The following DOCK1 variants were observed in gnomAD, a reference collection of about 807,000 sequenced individuals.
DOCK1 encodes the protein dedicator of cytokinesis protein 1.
In DOCK1, 138 loss-of-function variants were observed where a neutral mutation model predicts 262.7. The observed-to-expected ratio is 0.53, with a 90% confidence interval of 0.46 to 0.61. The LOEUF (loss-of-function observed/expected upper bound fraction) is 0.61. Among genes scored for constraint, DOCK1 ranks in the 20% least tolerant of loss-of-function variants. The pLI is 0.00. For synonymous variants in DOCK1, 866 were observed against 867.4 expected (o/e 1.00, Z 0.03); for missense variants, 1,908 against 2,370.7 (o/e 0.80, Z 4.05).
rs1306167561 is a variant in DOCK1, at chr10:127,032,228, G to C, written c.1820G>C (p.Gly607Ala). 1 of 1,600,590 alleles carries C rather than the reference G, an allele frequency of 6.2e-7. No homozygotes were observed. The highest frequency in any genetic ancestry group is 1.7e-5 in the Admixed American group (1 of 58,096). ...GAAGAAAAGGGCCACTCGGCCACCG[G>C]CAAGAGCATGCAGAGCCTTGGGAGC... is the stretch of plus-strand genomic sequence containing the variant. The part of the protein sequence containing the change: ...ELEEKGHSAT[G>A]KSMQSLGSCT... The change falls in exon 18 of 52, where the codon GGC becomes GCC. Residue 607 changes from glycine to alanine, a missense_variant. This residue lies in a region of DOCK1 where 294 missense variants were observed against 439.9 expected (regional missense o/e 0.67). Transcript: ENST00000623213.
At chr10:127,408,994 C>A (rs748922456) in intron 40 of DOCK1, 43 bp from the exon 41 acceptor site, 1 of 1,549,662 alleles carries the variant, frequency 6.5e-7, no homozygotes, top group Non-Finnish European at 8.7e-7. Context: ...CTCTTCCTGG[C>A]CCTTTCTCTG....
intron 29 of DOCK1, among the ~76,000 whole-genome samples, chr10:127,272,885 A>C (rs2060619095): frequency 6.6e-6 from 1 of 152,222 alleles, no homozygotes; most frequent in Admixed American, 6.5e-5. Flanking sequence ...CTTGTGAGAC[A>C]TTCACTATCA....
chr10:127,123,687 G>C (rs1170815618), intron 25 of DOCK1, among the ~76,000 whole-genome samples: 2 of 152,114 alleles, frequency 1.3e-5, no homozygotes, highest in Admixed American at 1.3e-4. Context: ...ACTCCCATGA[G>C]GTCATTTTCT....
At chr10:127,156,568 T>A (rs2053095346) in intron 27 of DOCK1, among the ~76,000 whole-genome samples, 1 of 139,014 alleles carries the variant, frequency 7.2e-6, no homozygotes, top group South Asian at 2.4e-4. Flanking sequence ...TCTTCTTTTT[T>A]TTTTTTTTTT....
rs2043245786 is a variant in DOCK1 at position 127,031,626 on chromosome 10, ATTTTTTTGTTTTTTG to A, written c.1625-19_1625-5del. On this transcript the variant is annotated splice_polypyrimidine_tract_variant and intron_variant, in intron 16 of 51. Transcript: ENST00000623213. The stretch of plus-strand genomic sequence containing the variant: ...TCATGATAATTGAAAGCAATCATCA[ATTTTTTTGTTTTTTG>A]TTTTACAGCTAAGGATAAATCTGAG... 1 of 1,571,718 alleles carries A rather than the reference ATTTTTTTGTTTTTTG, an allele frequency of 6.4e-7. No individual in the cohort carries two copies.
chr10:127,054,650 T>C (rs1288449221), intron 22 of DOCK1, among the ~76,000 whole-genome samples: 8 of 152,230 alleles, frequency 5.3e-5, no homozygotes, highest in African/African-American at 1.9e-4. Context: ...GCTGTTATAT[T>C]TTCCTCACTG....
intron 27 of DOCK1, among the ~76,000 whole-genome samples, chr10:127,172,646 G>C (rs566802382): frequency 2.8e-4 from 42 of 152,346 alleles, no homozygotes; most frequent in Admixed American, 1.6e-3. Flanking sequence ...TCTGAGTCCA[G>C]AGGGCTCTGA....
chr10:127,417,346 G>A (rs11017983), intron 44 of DOCK1, among the ~76,000 whole-genome samples: 14,216 of 152,236 alleles, frequency 0.093, 780 homozygotes, highest in South Asian at 0.16. Context: ...GGCTGAGCTG[G>A]AGGGCACTGG....
Position 126,987,440 on chromosome 10 carries a change from T to C in DOCK1, c.228-81T>C, listed in dbSNP as rs1160411923. 4 of 1,160,042 alleles carry C rather than the reference T, an allele frequency of 3.4e-6. No homozygotes were observed. The East Asian group carries it at 1.0e-4, about 30-fold the overall frequency. 71.9% of individuals were successfully genotyped at this position (1,160,042 alleles called of 1,614,324 possible). On this transcript the variant is annotated intron_variant, in intron 4 of 51. Transcript: ENST00000623213. ...TTGCTTAATACTGAACGCTATGGCCTAGATGTGAAATTTACCAGGTACTAC... is the reference window on the plus strand; with the variant it reads ...TTGCTTAATACTGAACGCTATGGCCCAGATGTGAAATTTACCAGGTACTAC...
chr10:127,307,264 TCCCC>T (rs1273663564), intron 29 of DOCK1, among the ~76,000 whole-genome samples: 2 of 152,188 alleles, frequency 1.3e-5, no homozygotes, highest in Non-Finnish European at 2.9e-5. Flanking sequence ...GGCAGCATTG[TCCCC>T]GGCCTGGGCT....
At chr10:127,170,900 A>G (rs1265287927) in intron 27 of DOCK1, among the ~76,000 whole-genome samples, 2 of 152,230 alleles carry the variant, frequency 1.3e-5, no homozygotes, top group East Asian at 1.9e-4. Context: ...TGCATAAAGC[A>G]GAGTGATTTT....
chr10:127,407,843 C>T (rs1316623246), intron 40 of DOCK1, among the ~76,000 whole-genome samples: 1 of 152,060 alleles, frequency 6.6e-6, no homozygotes, highest in Non-Finnish European at 1.5e-5. Flanking sequence ...CCCCCCCAAC[C>T]CCAGACTTCT....
intron 10 of DOCK1, among the ~76,000 whole-genome samples, chr10:127,007,108 A>C (rs1007988808): frequency 1.3e-5 from 2 of 152,140 alleles, no homozygotes; most frequent in African/African-American, 4.8e-5. Flanking sequence ...TCCTCTGAGC[A>C]GCTGTCATTT....
intron 1 of DOCK1, among the ~76,000 whole-genome samples, chr10:126,965,616 C>A (rs1360299511): frequency 5.9e-5 from 9 of 152,090 alleles, no homozygotes; most frequent in Admixed American, 3.9e-4. Flanking sequence ...CCAGTCACAA[C>A]GCCCCTGTAG....
intron 50 of DOCK1, among the ~76,000 whole-genome samples, chr10:127,445,299 C>A (rs905376027): frequency 1.2e-4 from 18 of 152,160 alleles, no homozygotes; most frequent in African/African-American, 4.3e-4. Context: ...GCTCTGTGCC[C>A]TGTGGCGAGG....
chr10:127,233,044 A>C (rs1181394234), intron 27 of DOCK1, among the ~76,000 whole-genome samples: 2 of 152,184 alleles, frequency 1.3e-5, no homozygotes, highest in Non-Finnish European at 1.5e-5. Context: ...ATTTGATTTG[A>C]TTTGGCATGG....
chr10:127,030,456 T>C (rs2043162607), intron 16 of DOCK1, among the ~76,000 whole-genome samples: 1 of 152,148 alleles, frequency 6.6e-6, no homozygotes, highest in Admixed American at 6.5e-5. Flanking sequence ...CTGCGCTAGG[T>C]CCCCCTCTTC....
At chr10:126,951,003 T>TG (rs1178756313) in intron 1 of DOCK1, among the ~76,000 whole-genome samples, 1 of 151,890 alleles carries the variant, frequency 6.6e-6, no homozygotes, top group Non-Finnish European at 1.5e-5. Flanking sequence ...TTGATGTTGG[T>TG]GGGGGTGGTG....
At chr10:126,906,892 A>C (rs2030969487) in intron 1 of DOCK1, among the ~76,000 whole-genome samples, 1 of 152,158 alleles carries the variant, frequency 6.6e-6, no homozygotes, top group Admixed American at 6.5e-5. Context: ...CCGGGCCTGC[A>C]CTTAGCTTGT....
Sources: gnomAD v4.1 joint callset for allele counts (sites outside exome capture counted in the v4.1 genomes callset) on GRCh38, gnomAD v4.1.1 for gene constraint, gnomAD v4.1.1 regional missense constraint, MANE v1.5 for transcripts, NCBI Gene and HGNC (gene_info 2026-07-23, HGNC 2026-07-21) for gene names.